Variants in SUCO observed in about 807,000 individuals in gnomAD.
The protein encoded by SUCO is SUN domain-containing ossification factor.
A neutral mutation model predicts 148.1 loss-of-function variants in SUCO; 57 were observed. The ratio of observed to expected loss-of-function variants is 0.38; its 90% CI spans 0.31 to 0.48. The LOEUF is 0.48. Among genes scored for constraint, SUCO ranks in the 20% least tolerant of loss-of-function variants. The probability of loss-of-function intolerance (pLI) is 0.96; values close to 1 mark genes in which losing one functional copy is unlikely to be tolerated. For synonymous variants in SUCO, 470 were observed against 502.7 expected, an observed-to-expected ratio of 0.93 and a Z score of 0.87; for missense variants, 1,331 against 1,468.2, an observed-to-expected ratio of 0.91 and a Z score of 1.53.
intron 9 of SUCO, among the ~76,000 whole-genome samples, chr1:172,571,285 T>C (rs1654953915): frequency 6.6e-6 from 1 of 152,232 alleles, no homozygotes. Flanking sequence ...GGTCTCCAGC[T>C]CCTAACTGCG....
intron 3 of SUCO, chr1:172,555,204 A>G (rs1009260701): frequency 6.4e-6 from 1 of 155,600 alleles, no homozygotes; most frequent in Non-Finnish European, 1.4e-5. Context: ...GGAGACATGA[A>G]TAATGGCAAT....
intron 9 of SUCO, among the ~76,000 whole-genome samples, chr1:172,571,207 C>G (rs575158019): frequency 6.6e-6 from 1 of 152,246 alleles, no homozygotes; most frequent in Admixed American, 6.5e-5. Flanking sequence ...TGCAGGCGCG[C>G]GCCACCACGC....
chr1:172,558,225 A>T (rs1653887837), intron 6 of SUCO, among the ~76,000 whole-genome samples: 1 of 152,174 alleles, frequency 6.6e-6, no homozygotes, highest in Non-Finnish European at 1.5e-5. Flanking sequence ...ACCTTTCATT[A>T]TTTGTGTGCA....
At chr1:172,595,853 A>G (rs1411035569) in intron 19 of SUCO, among the ~76,000 whole-genome samples, 1 of 152,148 alleles carries the variant, frequency 6.6e-6, no homozygotes, top group Non-Finnish European at 1.5e-5. Flanking sequence ...GTTCTCGTGG[A>G]TAATACCCTG....
At chr1:172,570,906 A>G in intron 9 of SUCO, 176 bp downstream of exon 9, 1 of 487,952 alleles carries the variant, frequency 2.0e-6, no homozygotes, top group Non-Finnish European at 3.7e-6. Flanking sequence ...AGGAGGTCAC[A>G]AAAAGCAAAA....
intron 2 of SUCO, chr1:172,552,536 A>G (rs1187528450): frequency 3.1e-6 from 2 of 641,692 alleles, no homozygotes; most frequent in African/African-American, 4.0e-5. Flanking sequence ...CATACTTACA[A>G]TTACATACTT....
chr1:172,568,396 C>G (rs1308462185), intron 6 of SUCO: 3 of 966,752 alleles, frequency 3.1e-6, no homozygotes, highest in Non-Finnish European at 3.7e-6. Flanking sequence ...AGATACTTCT[C>G]TCAGTGTGTG....
At chr1:172,542,587 C>A (rs1293159005) in intron 1 of SUCO, 4 of 221,728 alleles carry the variant, frequency 1.8e-5, no homozygotes, top group Non-Finnish European at 3.0e-5. Context: ...GAGCATGAAC[C>A]CTACTATGAA....
chr1:172,574,865 C>G (rs1484029534), intron 10 of SUCO: 46 of 985,068 alleles, frequency 4.7e-5, no homozygotes, highest in Non-Finnish European at 2.4e-6. Context: ...CTCAAGACCT[C>G]TTGAGAATTC....
At chr1:172,593,106 A>G (rs995022555) in intron 19 of SUCO, among the ~76,000 whole-genome samples, 2 of 152,112 alleles carry the variant, frequency 1.3e-5, no homozygotes, top group African/African-American at 4.8e-5. Flanking sequence ...AATGCTTGTG[A>G]TTTTTGCACA....
Position 172,589,982 on chromosome 1 carries a change from A to G in SUCO, c.2825+56A>G, listed in dbSNP as rs551439553. 3.8e-5 allele frequency: 53 copies of G among 1,383,994 alleles called. No homozygotes were observed. The African/African-American group carries it at 6.5e-4, about 17-fold the overall frequency. 85.7% of individuals were successfully genotyped at this position (1,383,994 alleles called of 1,614,324 possible). On this transcript the variant is annotated intron_variant, in intron 18 of 23. Coordinates refer to ENST00000263688, the MANE Select transcript of SUCO (RefSeq NM_014283.5). ...CTTCACACAGTGAGTTAAGCAGCAT[A>G]GAGTATGACCTGTGATTACAGGAGA...
At chr1:172,538,647 A>G (rs1652206101) in intron 1 of SUCO, among the ~76,000 whole-genome samples, 1 of 152,190 alleles carries the variant, frequency 6.6e-6, no homozygotes, top group Non-Finnish European at 1.5e-5. Context: ...ACTTCTCCAA[A>G]TCATTTGATG....
At chr1:172,537,503 G>C (rs982368043) in intron 1 of SUCO, among the ~76,000 whole-genome samples, 1 of 152,100 alleles carries the variant, frequency 6.6e-6, no homozygotes. Context: ...CCGATGTTGT[G>C]AGGGTCAATT....
intron 6 of SUCO, among the ~76,000 whole-genome samples, chr1:172,558,372 A>G (rs2472552): frequency 0.6 from 90,854 of 152,020 alleles, 27,660 homozygotes; most frequent in African/African-American, 0.7. Flanking sequence ...ATTTCTTGAA[A>G]TAGTATCAAC....
chr1:172,594,085 G>A (rs947152783), intron 19 of SUCO, among the ~76,000 whole-genome samples: 1 of 152,124 alleles, frequency 6.6e-6, no homozygotes, highest in African/African-American at 2.4e-5. Context: ...AGTATTCTCT[G>A]ATGGTAGTTT....
chr1:172,546,247 G>T (rs1652847096), intron 1 of SUCO, among the ~76,000 whole-genome samples: 1 of 152,064 alleles, frequency 6.6e-6, no homozygotes, highest in South Asian at 2.1e-4. Context: ...CTCATAAGTT[G>T]CCCATCACTC....
chr1:172,600,692 T>C (rs1657444102), intron 20 of SUCO, among the ~76,000 whole-genome samples: 1 of 100,176 alleles, frequency 1.0e-5, no homozygotes, highest in South Asian at 4.0e-4. Context: ...ATGAAGAAAA[T>C]TAAATGTGTG....
intron 22 of SUCO, among the ~76,000 whole-genome samples, chr1:172,604,993 T>C (rs1657770672): frequency 6.6e-6 from 1 of 151,822 alleles, no homozygotes; most frequent in Admixed American, 6.6e-5. Flanking sequence ...TATACAGATA[T>C]CTCTTTGCTC....
intron 15 of SUCO, among the ~76,000 whole-genome samples, chr1:172,582,075 G>A (rs1328716600): frequency 6.6e-6 from 1 of 152,096 alleles, no homozygotes; most frequent in East Asian, 1.9e-4. Context: ...TTTGTCATGT[G>A]AATTTGCCAG....
Sources: allele counts gnomAD v4.1 joint callset (sites outside exome capture counted in the v4.1 genomes callset), GRCh38; gene constraint gnomAD v4.1.1; transcripts MANE v1.5; gene names NCBI Gene and HGNC (gene_info 2026-07-23, HGNC 2026-07-21).